PITPNM2: variants seen among roughly 807,000 people sequenced by gnomAD.
The protein encoded by PITPNM2 is phosphatidylinositol transfer protein membrane associated 2, also known as membrane-associated phosphatidylinositol transfer protein 2.
In PITPNM2, 35 loss-of-function variants were observed where a neutral mutation model predicts 132.2. The ratio of observed to expected loss-of-function variants is 0.26; its 90% CI spans 0.20 to 0.35. PITPNM2 has a LOEUF of 0.35. Ranked by LOEUF, PITPNM2 falls within the 10% of genes least tolerant of loss-of-function variation. The pLI is 1.00. For missense variants in PITPNM2, 1,332 were observed against 1,912.0 expected (o/e 0.70, Z 5.66); for synonymous variants, 738 against 799.2 (o/e 0.92, Z 1.29).
chr12:123,002,064 G>A (rs549677574), intron 8 of PITPNM2, among the ~76,000 whole-genome samples: 8 of 151,802 alleles, frequency 5.3e-5, no homozygotes, highest in Admixed American at 3.3e-4. Context: ...TAGGCCAGGG[G>A]TGGTGGTTCA....
At chr12:123,006,714 AAATAGTAAT>A (rs1291423235) in intron 6 of PITPNM2, among the ~76,000 whole-genome samples, 1 of 53,628 alleles carries the variant, frequency 1.9e-5, no homozygotes, top group African/African-American at 8.8e-5. Flanking sequence ...CCCTGTCTCA[AAATAGTAAT>A]AATAATAATA....
intron 2 of PITPNM2, chr12:123,087,985 TA>T (rs1241787906): frequency 3.3e-5 from 5 of 152,230 alleles, no homozygotes; most frequent in African/African-American, 1.2e-4. Flanking sequence ...CATGTTAAAA[TA>T]AAAACACAAA....
chr12:123,073,220 T>C (rs535957839), intron 2 of PITPNM2, among the ~76,000 whole-genome samples: 3 of 152,320 alleles, frequency 2.0e-5, no homozygotes, highest in South Asian at 4.1e-4. Context: ...CCATATTTCA[T>C]TTTCATATAG....
intron 17 of PITPNM2, among the ~76,000 whole-genome samples, chr12:122,990,334 CAG>C (rs2038133685): frequency 6.6e-6 from 1 of 152,256 alleles, no homozygotes; most frequent in African/African-American, 2.4e-5. Flanking sequence ...CTAGACACTG[CAG>C]AGTCTTTGGA....
Position 123,000,735 on chromosome 12 carries a change from C to G in PITPNM2, c.1224+43G>C. On this transcript the variant is annotated intron_variant, in intron 10 of 25. Transcript: ENST00000320201. The surrounding 1 kb of genome is among the most constrained non-coding windows in gnomAD (Gnocchi z 5.4). The stretch of plus-strand genomic sequence containing the variant: ...CTATTCCTCTGCACCCTGCCCCTCC[C>G]TTGGCGGCCATGCCCCTGTCCCTCT... 6.2e-7 allele frequency: 1 copy of G among 1,603,832 alleles called. No homozygotes were observed. The highest frequency in any genetic ancestry group is 8.5e-7 in the Non-Finnish European group (1 of 1,172,544).
chr12:123,128,468 G>T (rs1028333132), intron 1 of PITPNM2, among the ~76,000 whole-genome samples: 45 of 144,858 alleles, frequency 3.1e-4, no homozygotes, highest in South Asian at 8.8e-4. Flanking sequence ...AAAAAAAGGT[G>T]GGGGGGCAGG....
At chr12:123,130,732 A>G (rs1025022569) in intron 1 of PITPNM2, among the ~76,000 whole-genome samples, 2 of 152,118 alleles carry the variant, frequency 1.3e-5, no homozygotes, top group Non-Finnish European at 2.9e-5. Flanking sequence ...ATGAGGCGAG[A>G]TCGCACCACT....
At chr12:123,137,902 A>AAG (rs1555300219) in intron 1 of PITPNM2, among the ~76,000 whole-genome samples, 4 of 150,366 alleles carry the variant, frequency 2.7e-5, no homozygotes, top group Non-Finnish European at 4.4e-5. Flanking sequence ...CAAAAAAAAA[A>AAG]AAAAAGAAGA....
In PITPNM2 at chr12:123,108,801, A is replaced by C. The variant is rs2042774616; in HGVS notation, c.-96+1584T>G. The stretch of plus-strand genomic sequence containing the variant: ...GAGGCAACTTAAGAGGCCCCATCAC[A>C]ACGTGCCCTATCTTCCCAGCAAGGA... On this transcript the variant is annotated intron_variant, in intron 2 of 25. Transcript: ENST00000320201. The surrounding 1 kb of genome is among the most constrained non-coding windows in gnomAD (Gnocchi z 4.4). 6.6e-6 allele frequency among the ~76,000 whole-genome samples: 1 copy of C among 152,154 alleles called. No individual in the cohort carries two copies.
At position 122,989,725 on chromosome 12, in the gene PITPNM2, G is replaced by A. The variant is rs555008719; in HGVS notation, c.2731+62C>T. On this transcript the variant is annotated intron_variant, in intron 18 of 25. Coordinates refer to ENST00000320201, the MANE Select transcript of PITPNM2 (RefSeq NM_020845.3). The stretch of plus-strand genomic sequence containing the variant: ...CGGGGGTCTAGGTGGGCAGAGCCTG[G>A]CAGTGAGGGGTGCTCAGCAGCAGAG... 2.0e-5 allele frequency: 26 copies of A among 1,320,290 alleles called. No individual in the cohort carries two copies. The African/African-American group carries it at 3.3e-4, about 17-fold the overall frequency. The allele number at this position is 1,320,290 out of a possible 1,614,324, so 81.8% of individuals were successfully genotyped here.
chr12:122,995,069 C>G (rs2038365945), intron 14 of PITPNM2, 90 bp from the exon 15 acceptor site: 1 of 1,369,972 alleles, frequency 7.3e-7, no homozygotes, highest in Non-Finnish European at 9.7e-7. Context: ...CCCAACCTCT[C>G]TCGGGGGCCC....
rs904876486 is a variant in PITPNM2 at position 123,064,561 on chromosome 12, C to T, written c.-95-29876G>A. On this transcript the variant is annotated intron_variant, in intron 2 of 25. Coordinates refer to ENST00000320201, the MANE Select transcript of PITPNM2 (RefSeq NM_020845.3). The surrounding 1 kb of genome is among the most constrained non-coding windows in gnomAD (Gnocchi z 4.0). ...TTTGGCGGGGAGCCTGGGGCTATTT[C>T]GGGAAGCTCTGCGCACAGCCCGCCA... Among the ~76,000 whole-genome samples, 8 of 152,184 alleles carry T rather than the reference C, an allele frequency of 5.3e-5. No individual in the cohort carries two copies. Among genetic ancestry groups the T allele is most frequent in the East Asian group, 1.9e-4 (1 of 5,190 alleles).
At chr12:123,068,287 G>A (rs2041501166) in intron 2 of PITPNM2, among the ~76,000 whole-genome samples, 1 of 152,054 alleles carries the variant, frequency 6.6e-6, no homozygotes, top group South Asian at 2.1e-4. Flanking sequence ...CTAACACGGT[G>A]AAACCCCGTC....
At chr12:123,084,930 C>G (rs2042069275) in intron 2 of PITPNM2, among the ~76,000 whole-genome samples, 1 of 152,172 alleles carries the variant, frequency 6.6e-6, no homozygotes, top group Non-Finnish European at 1.5e-5. Flanking sequence ...CACCATCCCA[C>G]ACACCCCCCT....
intron 2 of PITPNM2, among the ~76,000 whole-genome samples, chr12:123,086,818 C>G (rs1245030166): frequency 6.6e-6 from 1 of 152,208 alleles, no homozygotes; most frequent in African/African-American, 2.4e-5. Context: ...GGCAGACCTA[C>G]AGCCGGCTTG....
intron 11 of PITPNM2, 96 bp from the exon 12 acceptor site, chr12:122,997,006 T>A: frequency 1.6e-6 from 2 of 1,233,900 alleles, no homozygotes; most frequent in South Asian, 1.6e-5. Flanking sequence ...GGACTCAGCA[T>A]ACGCTAGTGA....
At chr12:123,125,864 G>GTTTTTTT (rs373787897) in intron 1 of PITPNM2, among the ~76,000 whole-genome samples, 31 of 64,854 alleles carry the variant, frequency 4.8e-4, no homozygotes, top group Non-Finnish European at 6.7e-4. Context: ...AAAAATTAGG[G>GTTTTTTT]TTTTTTTTTT....
At chr12:123,151,065 CCCCGCGCACCCCAGCGGCCGCTGCTG>C (rs972293056) in exon 1 of PITPNM2, among the ~76,000 whole-genome samples, 2 of 145,734 alleles carry the variant, frequency 1.4e-5, no homozygotes, top group African/African-American at 2.5e-5. Flanking sequence ...CGCCGCGGTG[CCCCGCGCACCCCAGCGGCCGCTGCTG>C]CCCGCGCGCG....
At position 123,008,188 on chromosome 12, in the gene PITPNM2, G is replaced by A. The variant is rs1326134995; in HGVS notation, c.643+1662C>T. Among the ~76,000 whole-genome samples the A allele has an allele frequency of 6.6e-6, 1 of 152,338 alleles. No homozygotes were observed. The highest frequency in any genetic ancestry group is 2.4e-5 in the African/African-American group (1 of 41,584). Reference sequence around the variant, plus strand: ...GCCACAAGCTCCTGCTTTCTGAGGGGAGAACTGACTTTCAGGGAGCTGGGG... The same window carrying A: ...GCCACAAGCTCCTGCTTTCTGAGGGAAGAACTGACTTTCAGGGAGCTGGGG... On this transcript the variant is annotated intron_variant, in intron 6 of 25. Transcript: ENST00000320201. This position sits in a 1 kb window ranked among gnomAD's most constrained non-coding sequence, Gnocchi z 4.1.
Sources: gnomAD v4.1 joint callset for allele counts (sites outside exome capture counted in the v4.1 genomes callset) on GRCh38, gnomAD v4.1.1 for gene constraint, Gnocchi (gnomAD v3.1) non-coding constraint, MANE v1.5 for transcripts, NCBI Gene and HGNC (gene_info 2026-07-23, HGNC 2026-07-21) for gene names.